APBA1: variants seen among roughly 807,000 people sequenced by gnomAD.
APBA1 encodes amyloid-beta A4 precursor protein-binding family A member 1.
APBA1 carries 55 observed loss-of-function variants against 86.6 expected under a neutral mutation model. That is an observed-to-expected ratio of 0.64 (90% confidence interval 0.51 to 0.80). The LOEUF is 0.80. Among genes scored for constraint, APBA1 ranks in the 30% least tolerant of loss-of-function variants. The pLI, the probability that APBA1 is intolerant of heterozygous loss-of-function variation, is 0.00. For missense variants in APBA1, 1,090 were observed against 1,183.0 expected, an observed-to-expected ratio of 0.92 and a Z score of 1.15; for synonymous variants, 511 against 493.9, an observed-to-expected ratio of 1.03 and a Z score of -0.46.
At chr9:69,513,135 G>C (rs1275692556) in intron 2 of APBA1, among the ~76,000 whole-genome samples, 1 of 152,186 alleles carries the variant, frequency 6.6e-6, no homozygotes, top group African/African-American at 2.4e-5. Context: ...TCATAACCCA[G>C]TGATCCATAT....
At chr9:69,431,601 G>T (rs1834597259) in intron 12 of APBA1, among the ~76,000 whole-genome samples, 1 of 152,248 alleles carries the variant, frequency 6.6e-6, no homozygotes, top group African/African-American at 2.4e-5. Flanking sequence ...AAGCTTAGGG[G>T]TGACAGAAAT....
chr9:69,596,558 G>T (rs189071474), intron 1 of APBA1, among the ~76,000 whole-genome samples: 1 of 152,270 alleles, frequency 6.6e-6, no homozygotes, highest in Non-Finnish European at 1.5e-5. Context: ...CATCCAAGCT[G>T]GAGCTGCAGC....
intron 4 of APBA1, among the ~76,000 whole-genome samples, chr9:69,468,350 A>G (rs1264974645): frequency 1.3e-5 from 2 of 152,206 alleles, no homozygotes; most frequent in African/African-American, 4.8e-5. Flanking sequence ...TATCAACTAG[A>G]TATTTGCTGG....
intron 1 of APBA1, among the ~76,000 whole-genome samples, chr9:69,567,242 CAGAG>C (rs1837041591): frequency 6.6e-6 from 1 of 152,036 alleles, no homozygotes; most frequent in African/African-American, 2.4e-5. Flanking sequence ...AGACACCTGC[CAGAG>C]AGAGAAGGGT....
chr9:69,457,760 C>T (rs907978663), intron 6 of APBA1, among the ~76,000 whole-genome samples: 2 of 152,188 alleles, frequency 1.3e-5, no homozygotes, highest in Admixed American at 6.5e-5. Context: ...GGGCTTAACT[C>T]TGTACATGTG....
intron 5 of APBA1, among the ~76,000 whole-genome samples, chr9:69,458,727 A>AATTT (rs1443440499): frequency 6.6e-6 from 1 of 151,634 alleles, no homozygotes; most frequent in African/African-American, 2.4e-5. Flanking sequence ...TTTCCACTGC[A>AATTT]ATTTCTTAGA....
At chr9:69,497,860 C>T (rs921204296) in intron 2 of APBA1, among the ~76,000 whole-genome samples, 1 of 152,242 alleles carries the variant, frequency 6.6e-6, no homozygotes, top group Non-Finnish European at 1.5e-5. Context: ...AGCCAGACAA[C>T]AAAACAAATG....
intron 6 of APBA1, 34 bp from the exon 7 acceptor site, chr9:69,457,173 A>G: frequency 6.5e-7 from 1 of 1,546,106 alleles, no homozygotes. Context: ...AGAAAGTTTG[A>G]CCACACTACC....
At chr9:69,656,151 C>A (rs1022333831) in intron 1 of APBA1, among the ~76,000 whole-genome samples, 5 of 152,178 alleles carry the variant, frequency 3.3e-5, no homozygotes, top group Admixed American at 2.0e-4. Flanking sequence ...GAACCAACTA[C>A]GATTCTCATA....
chr9:69,431,880 C>G (rs7028599), intron 12 of APBA1, among the ~76,000 whole-genome samples: 2 of 151,414 alleles, frequency 1.3e-5, no homozygotes, highest in Non-Finnish European at 2.9e-5. Context: ...AGTGATAAAT[C>G]AATGACAGCA....
At chr9:69,499,611 C>T (rs946985039) in intron 2 of APBA1, among the ~76,000 whole-genome samples, 1 of 150,798 alleles carries the variant, frequency 6.6e-6, no homozygotes, top group African/African-American at 2.4e-5. Flanking sequence ...TCTAACAAGT[C>T]TTAATGAATT....
intron 1 of APBA1, among the ~76,000 whole-genome samples, chr9:69,550,442 G>A (rs1186702478): frequency 6.6e-6 from 1 of 151,416 alleles, no homozygotes; most frequent in African/African-American, 2.4e-5. Context: ...TATTTTATAA[G>A]TGCCCTTCAA....
chr9:69,456,561 C>CA (rs1835101295), intron 7 of APBA1, 129 bp from the exon 8 acceptor site: 1 of 950,212 alleles, frequency 1.1e-6, no homozygotes. Flanking sequence ...CTGCAAAGCC[C>CA]ATGCTGAGGG....
At chr9:69,491,555 TA>T (rs1377607190) in intron 2 of APBA1, among the ~76,000 whole-genome samples, 1 of 151,356 alleles carries the variant, frequency 6.6e-6, no homozygotes, top group African/African-American at 2.4e-5. Context: ...TATACATATG[TA>T]ACAAACCTGC....
At position 69,430,539 on chromosome 9, in the gene APBA1, CTGTG is replaced by C. The variant is rs76774175; in HGVS notation, c.*784_*787del. Reference sequence around the variant, plus strand: ...AGGGAAGGGTGATATGCAAATGGGACTGTGTGTGTGTGTGTGTGTGTGAGAGAGA... The same window carrying C: ...AGGGAAGGGTGATATGCAAATGGGACTGTGTGTGTGTGTGTGTGAGAGAGA... On this transcript the variant is annotated 3_prime_UTR_variant, in exon 13 of 13. Transcript: ENST00000265381. 50,201 of 149,402 alleles carry C rather than the reference CTGTG, an allele frequency of 0.34. 9,131 individuals are homozygous for C. Among genetic ancestry groups the C allele is most frequent in the African/African-American group, 0.47 (19,211 of 40,630 alleles). The allele number at this position is 149,402 out of a possible 1,614,324, so 9.3% of individuals were successfully genotyped here.
chr9:69,657,002 C>T (rs928395139), intron 1 of APBA1, among the ~76,000 whole-genome samples: 155 of 152,174 alleles, frequency 1.0e-3, no homozygotes, highest in African/African-American at 3.5e-3. Flanking sequence ...CCCGCCACCG[C>T]GCCCGGCTAA....
At chr9:69,666,365 C>G (rs1050449072) in intron 1 of APBA1, among the ~76,000 whole-genome samples, 1 of 152,124 alleles carries the variant, frequency 6.6e-6, no homozygotes, top group Non-Finnish European at 1.5e-5. Context: ...CTTCCCTGAC[C>G]ATACTATATA....
chr9:69,664,534 T>C (rs1052411083), intron 1 of APBA1, among the ~76,000 whole-genome samples: 3 of 152,182 alleles, frequency 2.0e-5, no homozygotes, highest in African/African-American at 7.2e-5. Flanking sequence ...GTCAAAAAAG[T>C]ATGTGAAGTA....
intron 1 of APBA1, among the ~76,000 whole-genome samples, chr9:69,530,828 G>T (rs1836420949): frequency 6.6e-6 from 1 of 152,116 alleles, no homozygotes; most frequent in East Asian, 1.9e-4. Context: ...AGTCTGTATT[G>T]GTTAAATTTT....
Sources: gnomAD v4.1 joint callset for allele counts (sites outside exome capture counted in the v4.1 genomes callset) on GRCh38, gnomAD v4.1.1 for gene constraint, MANE v1.5 for transcripts, NCBI Gene and HGNC (gene_info 2026-07-23, HGNC 2026-07-21) for gene names.